Variants in KLHL3 observed in about 807,000 individuals in gnomAD.
The protein encoded by KLHL3 is kelch like family member 3.
KLHL3 carries 19 observed loss-of-function variants against 70.5 expected under a neutral mutation model. That is an observed-to-expected ratio of 0.27 (90% CI 0.19 to 0.40). KLHL3 has a LOEUF of 0.40. KLHL3 is among the 10% of genes least tolerant of loss of function. KLHL3 has a pLI of 1.00. For missense variants in KLHL3, 512 were observed against 771.1 expected (o/e 0.66, Z 3.98); for synonymous variants, 258 against 290.3 (o/e 0.89, Z 1.13).
At chr5:137,669,683 T>C (rs1751703461) in intron 6 of KLHL3, among the ~76,000 whole-genome samples, 1 of 152,170 alleles carries the variant, frequency 6.6e-6, no homozygotes, top group Non-Finnish European at 1.5e-5. Flanking sequence ...CAGGATGACA[T>C]ACGGATGGAG....
intron 10 of KLHL3, among the ~76,000 whole-genome samples, chr5:137,638,695 T>G (rs1750830475): frequency 6.6e-6 from 1 of 152,072 alleles, no homozygotes; most frequent in Admixed American, 6.5e-5. Flanking sequence ...TCTGAGTAAA[T>G]AGGTTCCCAG....
In KLHL3 at chr5:137,634,010, A is replaced by G. The variant is rs927244656; in HGVS notation, c.1450+27T>C. On this transcript the variant is annotated intron_variant, in intron 12 of 14. Transcript: ENST00000309755. ...ACCCACTTGTGAGCAAATCAGACAC[A>G]GCCAGCACCCCGAGGTTCTCCCATA... 16 of 1,613,902 alleles carry G rather than the reference A, an allele frequency of 9.9e-6. No homozygotes were observed. In the African/African-American group the frequency reaches 2.0e-4, roughly 20 times the overall value.
intron 5 of KLHL3, among the ~76,000 whole-genome samples, chr5:137,680,543 TTTC>T (rs1234983013): frequency 2.2e-4 from 33 of 152,066 alleles, no homozygotes; most frequent in African/African-American, 7.5e-4. Context: ...AGCAACACTT[TTTC>T]TTTTTTTTTT....
At chr5:137,690,048 C>T (rs1025515403) in intron 5 of KLHL3, among the ~76,000 whole-genome samples, 20 of 152,242 alleles carry the variant, frequency 1.3e-4, no homozygotes, top group African/African-American at 4.8e-4. Context: ...AATCTGCAGG[C>T]CAGGCACAGT....
At chr5:137,675,030 A>C (rs1751852939) in intron 6 of KLHL3, among the ~76,000 whole-genome samples, 1 of 152,256 alleles carries the variant, frequency 6.6e-6, no homozygotes, top group Admixed American at 6.5e-5. Flanking sequence ...ACTATTCTTT[A>C]ATAAACCTCA....
At chr5:137,638,900 C>T (rs1008392146) in intron 10 of KLHL3, 53 bp downstream of exon 10, 68 of 1,543,458 alleles carry the variant, frequency 4.4e-5, no homozygotes, top group Non-Finnish European at 5.8e-5. Context: ...AACAGGGTTG[C>T]ATGGAGGATG....
chr5:137,641,293 T>C (rs1440110179), intron 8 of KLHL3, among the ~76,000 whole-genome samples: 3 of 152,174 alleles, frequency 2.0e-5, no homozygotes, highest in African/African-American at 7.2e-5. Flanking sequence ...GTTCTCAAAC[T>C]TGAGCATACA....
At chr5:137,697,856 C>G (rs1752481491) in intron 4 of KLHL3, among the ~76,000 whole-genome samples, 1 of 152,194 alleles carries the variant, frequency 6.6e-6, no homozygotes, top group Non-Finnish European at 1.5e-5. Flanking sequence ...TCTACTACCT[C>G]CCCTCTACTC....
At chr5:137,656,768 T>C (rs1304844392) in intron 8 of KLHL3, among the ~76,000 whole-genome samples, 2 of 152,246 alleles carry the variant, frequency 1.3e-5, no homozygotes, top group Non-Finnish European at 2.9e-5. Context: ...GTATGCACTC[T>C]CAGGTTTACA....
At chr5:137,697,130 A>C (rs1752464159) in intron 4 of KLHL3, among the ~76,000 whole-genome samples, 1 of 149,184 alleles carries the variant, frequency 6.7e-6, no homozygotes, top group Admixed American at 6.7e-5. Context: ...AGAAGAATCC[A>C]TGTTTTTATC....
At chr5:137,725,062 T>C (rs1045398222) in intron 1 of KLHL3, 1 of 985,224 alleles carries the variant, frequency 1.0e-6, no homozygotes. Flanking sequence ...CCTCCATTCA[T>C]TCCAGATCTT....
At chr5:137,669,636 TGA>T (rs3839340) in intron 6 of KLHL3, among the ~76,000 whole-genome samples, 29,749 of 152,102 alleles carry the variant, frequency 0.2, 3,146 homozygotes, top group African/African-American at 0.27. Flanking sequence ...GTCTACAAGC[TGA>T]GAGACGTCAG....
intron 4 of KLHL3, among the ~76,000 whole-genome samples, chr5:137,693,173 C>T (rs1227895654): frequency 6.6e-6 from 1 of 152,162 alleles, no homozygotes; most frequent in African/African-American, 2.4e-5. Context: ...TCTCCTGGAG[C>T]TTAGAGTCTA....
rs374347927 is a variant in KLHL3 at position 137,658,009 on chromosome 5, G to A, written c.903+122C>T. 3,590 of 910,980 alleles carry A rather than the reference G, an allele frequency of 3.9e-3. 37 individuals are homozygous for A. The highest frequency in any genetic ancestry group is 0.022 in the South Asian group (1,268 of 58,730). 56.4% of individuals were successfully genotyped at this position (910,980 alleles called of 1,614,324 possible). On this transcript the variant is annotated intron_variant, in intron 8 of 14. Transcript: ENST00000309755. The stretch of plus-strand genomic sequence containing the variant: ...AGGAACCAGCAGACTCCATCTCCTA[G>A]GTTGTAAATGCAACCAAGATGCAGG...
chr5:137,712,156 CAAAAAAAAAAAAA>C (rs201519598), intron 2 of KLHL3, among the ~76,000 whole-genome samples: 22 of 74,864 alleles, frequency 2.9e-4, no homozygotes, highest in Non-Finnish European at 4.2e-4. Context: ...AAGATTCTGT[CAAAAAAAAAAAAA>C]AAAAAAAAAA....
At chr5:137,726,758 G>A (rs1753092060) in intron 1 of KLHL3, among the ~76,000 whole-genome samples, 1 of 152,112 alleles carries the variant, frequency 6.6e-6, no homozygotes, top group Non-Finnish European at 1.5e-5. Flanking sequence ...AGGTCCTCAT[G>A]ACATATTTGT....
At position 137,627,474 on chromosome 5, in the gene KLHL3, A is replaced by ACCCCCCC. The variant is rs1215063936; in HGVS notation, c.1591+822_1591+823insGGGGGGG. Among the ~76,000 whole-genome samples, 82 of 53,084 alleles carry ACCCCCCC rather than the reference A, an allele frequency of 1.5e-3. 25 individuals are homozygous for ACCCCCCC. The highest frequency in any genetic ancestry group is 2.2e-3 in the Non-Finnish European group (51 of 22,942). The allele number at this position is 53,084 out of a possible 152,430, so 34.8% of individuals were successfully genotyped here. A position where few individuals can be genotyped will look rare whatever the true frequency, so the allele number is the denominator to read the frequency against. Reference sequence around the variant, plus strand: ...GGCAATGAGTAAATTAGTAAATATCACCACCCCCCCCCCCGGTTTACACTT... The same window carrying ACCCCCCC: ...GGCAATGAGTAAATTAGTAAATATCACCCCCCCCCACCCCCCCCCCCGGTTTACACTT... On this transcript the variant is annotated intron_variant, in intron 13 of 14. Coordinates refer to ENST00000309755, the MANE Select transcript of KLHL3 (RefSeq NM_017415.3).
At chr5:137,683,579 A>T (rs971026207) in intron 5 of KLHL3, among the ~76,000 whole-genome samples, 1 of 152,150 alleles carries the variant, frequency 6.6e-6, no homozygotes, top group Non-Finnish European at 1.5e-5. Flanking sequence ...ACAGGGAAGT[A>T]ACAGAGACCC....
intron 12 of KLHL3, 32 bp downstream of exon 12, chr5:137,634,005 G>T: frequency 6.2e-7 from 1 of 1,613,814 alleles, no homozygotes; most frequent in South Asian, 1.1e-5. Flanking sequence ...GAGCAAATCA[G>T]ACACAGCCAG....
Sources: allele counts gnomAD v4.1 joint callset (sites outside exome capture counted in the v4.1 genomes callset), GRCh38; gene constraint gnomAD v4.1.1; transcripts MANE v1.5; gene names NCBI Gene and HGNC (gene_info 2026-07-23, HGNC 2026-07-21).